The following TET3 variants were observed in gnomAD, a reference collection of about 807,000 sequenced individuals.
TET3 encodes the protein tet methylcytosine dioxygenase 3.
Under a neutral mutation model 141.4 loss-of-function variants are expected in TET3, and 19 were observed. That is an observed-to-expected ratio of 0.13 (90% CI 0.09 to 0.20). TET3 has a LOEUF of 0.20. Among genes scored for constraint, TET3 ranks in the 10% least tolerant of loss-of-function variants. The pLI is 1.00. For missense variants in TET3, 1,874 were observed against 2,356.9 expected, an observed-to-expected ratio of 0.80 and a Z score of 4.24; for synonymous variants, 1,043 against 980.9, an observed-to-expected ratio of 1.06 and a Z score of -1.18.
At chr2:74,069,110 T>G (rs1046872261) in intron 4 of TET3, among the ~76,000 whole-genome samples, 2 of 151,818 alleles carry the variant, frequency 1.3e-5, no homozygotes, top group Non-Finnish European at 2.9e-5. Flanking sequence ...TTTTTAAAAC[T>G]TCCATTTTTT....
chr2:74,036,431 G>T (rs1018816983), intron 3 of TET3, among the ~76,000 whole-genome samples: 1 of 152,200 alleles, frequency 6.6e-6, no homozygotes, highest in Non-Finnish European at 1.5e-5. Flanking sequence ...TATTGTTGGG[G>T]CACTCAGGTT....
At chr2:74,118,644 C>T in the TET3 span, among the ~76,000 whole-genome samples, 1 of 152,008 alleles carries the variant, frequency 6.6e-6, no homozygotes, top group Non-Finnish European at 1.5e-5. Flanking sequence ...TGACATTGTT[C>T]AAAAGTCACA....
At chr2:74,001,843 C>T (rs540653149) in intron 2 of TET3, among the ~76,000 whole-genome samples, 9 of 152,276 alleles carry the variant, frequency 5.9e-5, no homozygotes, top group Non-Finnish European at 8.8e-5. Context: ...AGATGGGAAG[C>T]CCTGAGGTCT....
chr2:74,032,808 G>A (rs1005059095), intron 3 of TET3, among the ~76,000 whole-genome samples: 1 of 152,166 alleles, frequency 6.6e-6, no homozygotes, highest in African/African-American at 2.4e-5. Flanking sequence ...CTGCAGGGGA[G>A]CGTGTGCTGC....
At chr2:74,010,872 T>C (rs1417363564) in intron 3 of TET3, among the ~76,000 whole-genome samples, 1 of 152,212 alleles carries the variant, frequency 6.6e-6, no homozygotes, top group East Asian at 1.9e-4. Flanking sequence ...TCATAGTTAT[T>C]AAAACCAGAA....
chr2:74,042,735 G>A (rs1327742940), intron 3 of TET3, among the ~76,000 whole-genome samples: 3 of 152,228 alleles, frequency 2.0e-5, no homozygotes, highest in Non-Finnish European at 4.4e-5. Context: ...TGAGAGTTGG[G>A]AAGGACGCTT....
chr2:74,024,478 C>A (rs1325967603), intron 3 of TET3, among the ~76,000 whole-genome samples: 2 of 151,926 alleles, frequency 1.3e-5, no homozygotes, highest in African/African-American at 4.8e-5. Flanking sequence ...TGGAGACCAT[C>A]CAGGCGGCCC....
At chr2:74,119,983 T>C in the TET3 span, among the ~76,000 whole-genome samples, 1 of 152,202 alleles carries the variant, frequency 6.6e-6, no homozygotes, top group African/African-American at 2.4e-5. Flanking sequence ...TTGACATTCC[T>C]TGGGTGCTTC....
At chr2:74,010,168 G>A (rs1685352614) in intron 3 of TET3, among the ~76,000 whole-genome samples, 1 of 152,230 alleles carries the variant, frequency 6.6e-6, no homozygotes, top group South Asian at 2.1e-4. Flanking sequence ...TGTGTCTTAG[G>A]GCTGTACTGG....
At chr2:74,068,355 T>A (rs925061050) in intron 4 of TET3, among the ~76,000 whole-genome samples, 2 of 152,196 alleles carry the variant, frequency 1.3e-5, no homozygotes, top group Admixed American at 1.3e-4. Flanking sequence ...TAGCATCTTA[T>A]ACATGCTGTA....
Position 74,046,676 on chromosome 2 carries a change from T to A in TET3, c.759T>A (p.Leu253=), listed in dbSNP as rs779200824. ...GCTGCTCTGCTGGCAGCGAAGACCT[T>A]GACACACTGCAGACGGCCCTGGCCC... is the stretch of plus-strand genomic sequence containing the variant. ...PEGCSAGSED[L]DTLQTALALA... Residue 253 remains leucine (L), a synonymous_variant, in exon 4 of 12, where the codon CTT becomes CTA. Transcript: ENST00000409262. The surrounding 1 kb of genome is among the most constrained non-coding windows in gnomAD (Gnocchi z 4.3). 9.9e-6 allele frequency: 16 copies of A among 1,613,904 alleles called. No homozygotes were observed. The South Asian group carries it at 1.8e-4, about 18-fold the overall frequency.
chr2:74,006,779 C>G (rs1685173737), intron 3 of TET3, among the ~76,000 whole-genome samples: 1 of 152,204 alleles, frequency 6.6e-6, no homozygotes, highest in African/African-American at 2.4e-5. Flanking sequence ...ACCTCTTGGG[C>G]TTTCGGCCTC....
rs375805617 is a variant in TET3, at chr2:74,089,981, C to T, written c.2973C>T (p.Asn991=). ...GTTGTTCCTGGAGCATGTACTTCAACGGCTGCAAGTATGCTCGGAGCAAGA... is the reference window on the plus strand; with the variant it reads ...GTTGTTCCTGGAGCATGTACTTCAATGGCTGCAAGTATGCTCGGAGCAAGA... The part of the protein sequence containing the change: ...SFGCSWSMYF[N]GCKYARSKTP... The change falls in exon 8 of 12, where the codon AAC becomes AAT. Residue 991 remains asparagine, a synonymous_variant. Coordinates refer to ENST00000409262, the MANE Select transcript of TET3 (RefSeq NM_001287491.2). 6.3e-5 allele frequency: 102 copies of T among 1,614,092 alleles called. No individual in the cohort carries two copies. The highest frequency in any genetic ancestry group is 4.0e-4 in the African/African-American group (30 of 75,072).
chr2:74,034,228 A>G (rs1244750232), intron 3 of TET3, among the ~76,000 whole-genome samples: 1 of 150,490 alleles, frequency 6.6e-6, no homozygotes, highest in African/African-American at 2.4e-5. Flanking sequence ...ACAATAAAAC[A>G]AGGTATGGCT....
chr2:74,129,760 G>A, the TET3 span, among the ~76,000 whole-genome samples: 1 of 152,154 alleles, frequency 6.6e-6, no homozygotes, highest in Non-Finnish European at 1.5e-5. Context: ...AGAGGCAGGA[G>A]TCTGTTGTTA....
chr2:74,080,386 C>T, intron 5 of TET3, 112 bp from the exon 6 acceptor site: 1 of 902,124 alleles, frequency 1.1e-6, no homozygotes, highest in Non-Finnish European at 1.8e-6. Context: ...TCTGTTGCCC[C>T]CGACGGTAAC....
At chr2:73,996,080 ACTTCCAGCTC>A (rs773072157) in intron 2 of TET3, among the ~76,000 whole-genome samples, 57 of 152,006 alleles carry the variant, frequency 3.7e-4, no homozygotes, top group Non-Finnish European at 6.6e-4. Flanking sequence ...GTTCATGTTG[ACTTCCAGCTC>A]CAACCTTATC....
In TET3 at chr2:74,025,295, GT is replaced by G. The variant is rs1267577280; in HGVS notation, c.361-20972del. ...ACTAAATAGTCAAATGTAGGTTTTT[GT>G]TTTTTTTTTTGAGATGGAGTCTCGC... On this transcript the variant is annotated intron_variant, in intron 3 of 11. Transcript: ENST00000409262. Among the ~76,000 whole-genome samples the G allele has an allele frequency of 3.6e-3, 500 of 139,586 alleles. 2 individuals are homozygous for G. The highest frequency in any genetic ancestry group is 5.4e-3 in the Non-Finnish European group (345 of 63,692). 91.6% of individuals were successfully genotyped at this position (139,586 alleles called of 152,430 possible).
chr2:74,006,084 C>CA lies in TET3; in HGVS notation c.360+2928dup, dbSNP rs11318523. On this transcript the variant is annotated intron_variant, in intron 3 of 11. Transcript: ENST00000409262. ...CTTCTGTCTCTCCTTTTGACCACTGCAAAAAAAAAATGCCCTGTTCTCAAG... is the reference window on the plus strand; with the variant it reads ...CTTCTGTCTCTCCTTTTGACCACTGCAAAAAAAAAAATGCCCTGTTCTCAAG... Among the ~76,000 whole-genome samples the CA allele has an allele frequency of 4.4e-3, 652 of 149,652 alleles. 4 individuals carry two copies. The highest frequency in any genetic ancestry group is 0.013 in the African/African-American group (537 of 41,142).
Sources: allele counts gnomAD v4.1 joint callset (sites outside exome capture counted in the v4.1 genomes callset), GRCh38; gene constraint gnomAD v4.1.1; non-coding constraint Gnocchi (gnomAD v3.1); transcripts MANE v1.5; gene names NCBI Gene and HGNC (gene_info 2026-07-23, HGNC 2026-07-21).